SVIL: variants seen among roughly 807,000 people sequenced by gnomAD.
The protein encoded by SVIL is archvillin.
SVIL carries 101 observed loss-of-function variants against 240.4 expected under a neutral mutation model. The ratio of observed to expected loss-of-function variants is 0.42; its 90% CI spans 0.36 to 0.50. The LOEUF (loss-of-function observed/expected upper bound fraction) is 0.50. SVIL is among the 20% of genes least tolerant of loss of function. The probability of loss-of-function intolerance (pLI) is 0.01; values close to 1 mark genes in which losing one functional copy is unlikely to be tolerated. For missense variants in SVIL, 2,512 were observed against 2,818.7 expected (o/e 0.89, Z 2.46); for synonymous variants, 999 against 1,100.0 (o/e 0.91, Z 1.82).
At chr10:29,572,608 T>C (rs1955478690) in intron 1 of SVIL, among the ~76,000 whole-genome samples, 1 of 151,212 alleles carries the variant, frequency 6.6e-6, no homozygotes, top group Non-Finnish European at 1.5e-5. Context: ...CTACAAAAAA[T>C]AAAAAATGAG....
chr10:29,477,744 C>T (rs761975913), intron 29 of SVIL, among the ~76,000 whole-genome samples: 2 of 152,202 alleles, frequency 1.3e-5, no homozygotes, highest in Admixed American at 1.3e-4. Context: ...ACTTAATTCT[C>T]TAAAGCTGGG....
At chr10:29,612,101 A>T (rs1199246079) in intron 1 of SVIL, among the ~76,000 whole-genome samples, 1 of 152,150 alleles carries the variant, frequency 6.6e-6, no homozygotes, top group Non-Finnish European at 1.5e-5. Flanking sequence ...GGAAAAAAAA[A>T]ATCGATCCTC....
chr10:29,668,295 A>C (rs527460029), intron 2 of SVIL, among the ~76,000 whole-genome samples: 4 of 152,292 alleles, frequency 2.6e-5, no homozygotes, highest in South Asian at 4.1e-4. Flanking sequence ...CTAAGTATGC[A>C]CCTGCTCATC....
At chr10:29,469,898 C>T (rs545579505) in intron 32 of SVIL, among the ~76,000 whole-genome samples, 1 of 152,324 alleles carries the variant, frequency 6.6e-6, no homozygotes, top group Admixed American at 6.5e-5. Context: ...CTCTGCTGTT[C>T]TGGCAAACGA....
intron 1 of SVIL, among the ~76,000 whole-genome samples, chr10:29,715,565 C>T (rs1190035806): frequency 6.6e-6 from 1 of 152,182 alleles, no homozygotes; most frequent in Non-Finnish European, 1.5e-5. Flanking sequence ...TCTGCCTTGG[C>T]CTTGTCCCAA....
intron 2 of SVIL, among the ~76,000 whole-genome samples, chr10:29,665,578 G>C (rs566978545): frequency 1.3e-5 from 2 of 152,078 alleles, no homozygotes; most frequent in Non-Finnish European, 2.9e-5. Context: ...GGTGGATCAC[G>C]AGGTCAGGAG....
intron 17 of SVIL, among the ~76,000 whole-genome samples, chr10:29,504,972 A>G (rs1949157830): frequency 6.6e-6 from 1 of 152,248 alleles, no homozygotes; most frequent in Non-Finnish European, 1.5e-5. Context: ...ATAGACAAAT[A>G]AACTGTGGCA....
Position 29,481,312 on chromosome 10 carries a change from A to G in SVIL, c.5100+272T>C, listed in dbSNP as rs375886504. Among the ~76,000 whole-genome samples, 180 of 151,988 alleles carry G rather than the reference A, an allele frequency of 1.2e-3. 2 individuals are homozygous for G. In the South Asian group the frequency reaches 0.018, roughly 15 times the overall value. On this transcript the variant is annotated intron_variant, in intron 28 of 37. Coordinates refer to ENST00000355867, the MANE Select transcript of SVIL (RefSeq NM_021738.3). ...GTGTGGGAAGGAGACGGGACAGGGA[A>G]GATAGGGAGATGTTGGCCAACCGGT...
At chr10:29,698,526 C>T (rs1477082179) in intron 1 of SVIL, among the ~76,000 whole-genome samples, 14 of 144,874 alleles carry the variant, frequency 9.7e-5, no homozygotes, top group South Asian at 2.2e-4. Flanking sequence ...TTTTTCCTGC[C>T]GGGTGTTGTA....
chr10:29,568,597 T>C (rs1476311869), intron 2 of SVIL, among the ~76,000 whole-genome samples: 1 of 152,222 alleles, frequency 6.6e-6, no homozygotes, highest in African/African-American at 2.4e-5. Flanking sequence ...ATACAGCTAC[T>C]GTGTATGGCA....
intron 21 of SVIL, among the ~76,000 whole-genome samples, chr10:29,492,501 C>G (rs1230013894): frequency 6.6e-6 from 1 of 152,024 alleles, no homozygotes; most frequent in Non-Finnish European, 1.5e-5. Flanking sequence ...CAGTAAACCC[C>G]TCCGCACTGT....
At chr10:29,663,445 G>A (rs892028493) in intron 2 of SVIL, among the ~76,000 whole-genome samples, 3 of 152,122 alleles carry the variant, frequency 2.0e-5, no homozygotes, top group Non-Finnish European at 4.4e-5. Context: ...CTGGAGTGCA[G>A]TGGCACAATC....
intron 12 of SVIL, 134 bp from the exon 13 acceptor site, chr10:29,527,190 G>A (rs1313293089): frequency 3.5e-6 from 3 of 861,092 alleles, no homozygotes; most frequent in African/African-American, 3.4e-5. Flanking sequence ...TTATTTTTGG[G>A]GAGAAAAAAT....
At chr10:29,505,627 C>A (rs1023656897) in intron 17 of SVIL, among the ~76,000 whole-genome samples, 5 of 152,092 alleles carry the variant, frequency 3.3e-5, no homozygotes, top group South Asian at 2.1e-4. Context: ...TTTGTCAAAA[C>A]CGAAAGAATG....
chr10:29,718,744 G>A (rs991433231), intron 1 of SVIL, among the ~76,000 whole-genome samples: 4 of 152,108 alleles, frequency 2.6e-5, no homozygotes, highest in Non-Finnish European at 4.4e-5. Flanking sequence ...GGGGGTGGGG[G>A]AACACTAGAA....
intron 1 of SVIL, among the ~76,000 whole-genome samples, chr10:29,570,384 AAGC>A (rs1295440716): frequency 6.6e-6 from 1 of 152,242 alleles, no homozygotes; most frequent in East Asian, 1.9e-4. Context: ...TTGAGCTGGA[AAGC>A]AGTTCTGATG....
intron 17 of SVIL, among the ~76,000 whole-genome samples, chr10:29,509,330 G>GGGGA (rs1949620403): frequency 1.5e-5 from 1 of 66,880 alleles, no homozygotes; most frequent in African/African-American, 4.9e-5. Context: ...GGAGGGGGAG[G>GGGGA]GAGAGAGAGA....
intron 18 of SVIL, among the ~76,000 whole-genome samples, chr10:29,495,702 C>T (rs751864098): frequency 2.0e-5 from 3 of 152,264 alleles, no homozygotes; most frequent in Non-Finnish European, 4.4e-5. Context: ...CAGGTCTGGA[C>T]CGACTGTGCG....
chr10:29,468,667 G>A (rs1003994942), intron 32 of SVIL, among the ~76,000 whole-genome samples: 2 of 150,528 alleles, frequency 1.3e-5, no homozygotes, highest in African/African-American at 4.9e-5. Flanking sequence ...TATATATATG[G>A]GGTACAGCCA....
Sources: gnomAD v4.1 joint callset for allele counts (sites outside exome capture counted in the v4.1 genomes callset) on GRCh38, gnomAD v4.1.1 for gene constraint, MANE v1.5 for transcripts, NCBI Gene and HGNC (gene_info 2026-07-23, HGNC 2026-07-21) for gene names.